Variants in AFF3 observed in about 807,000 individuals in gnomAD.
AFF3 encodes the protein AF4/FMR2 family member 3.
A neutral mutation model predicts 129.7 loss-of-function variants in AFF3; 32 were observed. That is an observed-to-expected ratio of 0.25 (90% CI 0.19 to 0.33). AFF3 has a LOEUF of 0.33. Ranked by LOEUF, AFF3 falls within the 10% of genes least tolerant of loss-of-function variation. The pLI, the probability that AFF3 is intolerant of heterozygous loss-of-function variation, is 1.00. For missense variants in AFF3, 1,373 were observed against 1,592.0 expected (o/e 0.86, Z 2.34); for synonymous variants, 644 against 635.4 (o/e 1.01, Z -0.20).
chr2:100,052,742 A>T (rs1320836857), intron 4 of AFF3, among the ~76,000 whole-genome samples: 1 of 152,178 alleles, frequency 6.6e-6, no homozygotes, highest in Admixed American at 6.5e-5. Context: ...GTATGTCCAG[A>T]TAGAACACTG....
rs1420255122 is a variant in AFF3 at position 99,957,152 on chromosome 2, T to TGTGTGTGTGCATGTAC, written c.873+49479_873+49480insGTACATGCACACACAC. ...CAGGCTGTGTGTGGACATACGTGTGTGTGTGTGTGTGCATGTACGTGTGTG... is the reference window on the plus strand; with the variant it reads ...CAGGCTGTGTGTGGACATACGTGTGTGTGTGTGTGCATGTACGTGTGTGTGTGCATGTACGTGTGTG... On this transcript the variant is annotated intron_variant, in intron 7 of 24. Coordinates refer to ENST00000672756, the MANE Select transcript of AFF3 (RefSeq NM_001386135.1). Among the ~76,000 whole-genome samples the TGTGTGTGTGCATGTAC allele has an allele frequency of 3.2e-3, 488 of 151,698 alleles. 3 individuals carry two copies. The highest frequency in any genetic ancestry group is 0.011 in the African/African-American group (472 of 41,142).
chr2:100,126,942 C>T (rs1352078126), intron 2 of AFF3, among the ~76,000 whole-genome samples: 1 of 152,154 alleles, frequency 6.6e-6, no homozygotes, highest in Non-Finnish European at 1.5e-5. Flanking sequence ...TGTTTAAAGT[C>T]TAAGATGGAA....
Position 99,707,709 on chromosome 2 carries a change from T to A in AFF3, c.1091+19368A>T, listed in dbSNP as rs368516956. ...TAATAGGATGCCTGCCTTTTTTTTT[T>A]TTTTCTTTTTTTGGCCAATCTTCAG... On this transcript the variant is annotated intron_variant, in intron 11 of 24. Coordinates refer to ENST00000672756, the MANE Select transcript of AFF3 (RefSeq NM_001386135.1). 2.0e-5 allele frequency: 19 copies of A among 960,798 alleles called. No homozygotes were observed. The African/African-American group carries it at 3.3e-4, about 17-fold the overall frequency. 59.5% of individuals were successfully genotyped at this position (960,798 alleles called of 1,614,324 possible).
chr2:99,974,963 A>G (rs148146716), intron 7 of AFF3, among the ~76,000 whole-genome samples: 123 of 152,350 alleles, frequency 8.1e-4, no homozygotes, highest in African/African-American at 2.9e-3. Flanking sequence ...TTTCAATTCA[A>G]GGCAGTGGTA....
In AFF3 at chr2:99,665,537, T is replaced by C. The variant is rs1476193605; in HGVS notation, c.1143+7001A>G. Among the ~76,000 whole-genome samples, 4 of 152,350 alleles carry C rather than the reference T, an allele frequency of 2.6e-5. No individual in the cohort carries two copies. In the East Asian group the frequency reaches 5.8e-4, roughly 22 times the overall value. On this transcript the variant is annotated intron_variant, in intron 12 of 24. Transcript: ENST00000672756. ...ACATGTTTGTGTGTCTGGGTAGTGA[T>C]GGCAAAGGCCAGAAGTCCAGTTGGG...
intron 20 of AFF3, among the ~76,000 whole-genome samples, chr2:99,560,899 C>T (rs1168305402): frequency 6.6e-6 from 1 of 152,186 alleles, no homozygotes; most frequent in Non-Finnish European, 1.5e-5. Context: ...ACTTTGACAG[C>T]TACATAAGTG....
At chr2:100,086,669 T>C (rs2576669) in intron 4 of AFF3, among the ~76,000 whole-genome samples, 1 of 152,222 alleles carries the variant, frequency 6.6e-6, no homozygotes, top group Admixed American at 6.5e-5. Context: ...TGGGCTTGAA[T>C]CTATTACCAA....
intron 8 of AFF3, among the ~76,000 whole-genome samples, chr2:99,783,525 C>G (rs768595531): frequency 1.8e-4 from 27 of 152,220 alleles, no homozygotes; most frequent in Non-Finnish European, 3.1e-4. Context: ...GAGGAATACA[C>G]GGCACAGGAG....
At chr2:99,801,137 C>T (rs1436335493) in intron 8 of AFF3, among the ~76,000 whole-genome samples, 1 of 152,078 alleles carries the variant, frequency 6.6e-6, no homozygotes, top group Admixed American at 6.5e-5. Flanking sequence ...ATTTACATGT[C>T]GATTATATCT....
intron 13 of AFF3, among the ~76,000 whole-genome samples, chr2:99,641,986 A>G (rs911877486): frequency 6.6e-5 from 10 of 152,174 alleles, no homozygotes; most frequent in African/African-American, 2.2e-4. Context: ...TGTGTCTTCT[A>G]TAGAGACCAG....
chr2:99,961,550 T>C lies in AFF3; in HGVS notation c.873+45082A>G, dbSNP rs560841488. Among the ~76,000 whole-genome samples, 106 of 152,186 alleles carry C rather than the reference T, an allele frequency of 7.0e-4. 1 individual carries two copies. The South Asian group carries it at 0.014, about 20-fold the overall frequency. On this transcript the variant is annotated intron_variant, in intron 7 of 24. Transcript: ENST00000672756. ...GTTTTAGAGATTATCTGTCTCTGAG[T>C]TTTCCACAGTCCTACACAGTCCTAC... is the stretch of plus-strand genomic sequence containing the variant.
At position 99,593,567 on chromosome 2, in the gene AFF3, G is replaced by C. The variant is rs370169728; in HGVS notation, c.2094C>G (p.Ala698=). 5 of 1,613,166 alleles carry C rather than the reference G, an allele frequency of 3.1e-6. No individual in the cohort carries two copies. The African/African-American group carries it at 4.0e-5, about 13-fold the overall frequency. Residue 698 remains alanine (A), a synonymous_variant, in exon 15 of 25, where the codon GCC becomes GCG. Transcript: ENST00000672756. ...TCTGATCATTCCCGGAGGAGGCAGAGGCAGCCACGGTCTGTGCTTTGGACA... is the reference window on the plus strand; with the variant it reads ...TCTGATCATTCCCGGAGGAGGCAGACGCAGCCACGGTCTGTGCTTTGGACA... The part of the protein sequence containing the change: ...YPLSKAQTVA[A]SASSGNDQRL...
At chr2:100,052,812 G>A (rs1469694719) in intron 4 of AFF3, among the ~76,000 whole-genome samples, 1 of 152,178 alleles carries the variant, frequency 6.6e-6, no homozygotes, top group Admixed American at 6.5e-5. Flanking sequence ...GGCAGGACAG[G>A]GCGCTGCACC....
rs1679023489 is a variant in AFF3, at chr2:99,593,977, C to T, written c.1684G>A (p.Ala562Thr). 1 of 1,505,380 alleles carries T rather than the reference C, an allele frequency of 6.6e-7. No individual in the cohort carries two copies. The highest frequency in any genetic ancestry group is 8.9e-7 in the Non-Finnish European group (1 of 1,128,608). The allele number at this position is 1,505,380 out of a possible 1,614,324, so 93.3% of individuals were successfully genotyped here. A position where few individuals can be genotyped will look rare whatever the true frequency, so the allele number is the denominator to read the frequency against. ...GCACAGGGCACTGCGGGTGGCGGGG[C>T]GGCTGCGCTCACCGCCACGGCCACG... ...AAVAVAVSAA[A>T]PPPAVPCAPA... The change falls in exon 15 of 25, where the codon GCC becomes ACC. Residue 562 changes from alanine to threonine, a missense_variant. By Grantham distance (58) the Ala-to-Thr change is moderately conservative. Around this residue, in one of 9 missense-constraint regions of AFF3, gnomAD observed 413 missense variants for 424.4 expected, o/e 0.97. Transcript: ENST00000672756.
intron 13 of AFF3, among the ~76,000 whole-genome samples, chr2:99,627,443 G>A (rs1682700193): frequency 6.9e-6 from 1 of 143,900 alleles, no homozygotes; most frequent in African/African-American, 2.9e-5. Context: ...TTGTAAATTT[G>A]TTTAAGTTCC....
chr2:99,642,788 C>T (rs984421550), intron 13 of AFF3, among the ~76,000 whole-genome samples: 1 of 152,158 alleles, frequency 6.6e-6, no homozygotes, highest in African/African-American at 2.4e-5. Context: ...GGCTCTGCCA[C>T]TTGTGGCCCT....
intron 10 of AFF3, among the ~76,000 whole-genome samples, chr2:99,737,854 G>T (rs955923131): frequency 6.6e-6 from 1 of 150,726 alleles, no homozygotes; most frequent in Admixed American, 6.6e-5. Flanking sequence ...GTCTCTCTAG[G>T]CTGCATTCTA....
At chr2:100,047,160 C>T (rs539284068) in intron 4 of AFF3, among the ~76,000 whole-genome samples, 2 of 152,354 alleles carry the variant, frequency 1.3e-5, no homozygotes, top group Admixed American at 6.5e-5. Flanking sequence ...CTGGATGGCT[C>T]GGATCTAGGG....
intron 7 of AFF3, among the ~76,000 whole-genome samples, chr2:99,905,371 C>G (rs1375558653): frequency 6.6e-6 from 1 of 152,148 alleles, no homozygotes; most frequent in Non-Finnish European, 1.5e-5. Context: ...CACAGAAGGC[C>G]AAGGATGGTC....
Sources: allele counts gnomAD v4.1 joint callset (sites outside exome capture counted in the v4.1 genomes callset), GRCh38; gene constraint gnomAD v4.1.1; regional missense constraint gnomAD v4.1.1; transcripts MANE v1.5; gene names NCBI Gene and HGNC (gene_info 2026-07-23, HGNC 2026-07-21).